ANK2: variants seen among roughly 807,000 people sequenced by gnomAD.
ANK2 encodes ankyrin-2.
Under a neutral mutation model 360.5 loss-of-function variants are expected in ANK2, and 83 were observed. The ratio of observed to expected loss-of-function variants is 0.23; its 90% CI spans 0.19 to 0.28. The LOEUF is 0.28. Ranked by LOEUF, ANK2 falls within the 10% of genes least tolerant of loss-of-function variation. The probability of loss-of-function intolerance (pLI) is 1.00; values close to 1 mark genes in which losing one functional copy is unlikely to be tolerated. For synonymous variants in ANK2, 1,740 were observed against 1,759.5 expected (o/e 0.99, Z 0.28); for missense variants, 4,201 against 4,795.7 (o/e 0.88, Z 3.66).
At chr4:113,110,475 C>A (rs947194078) in intron 1 of ANK2, among the ~76,000 whole-genome samples, 2 of 152,128 alleles carry the variant, frequency 1.3e-5, no homozygotes, top group African/African-American at 2.4e-5. Context: ...GCAAGCATAT[C>A]TTATGTCTGT....
chr4:113,022,844 G>A (rs1297836356), intron 2 of ANK2, among the ~76,000 whole-genome samples: 1 of 152,114 alleles, frequency 6.6e-6, no homozygotes, highest in Non-Finnish European at 1.5e-5. Context: ...CAAGAGGTTA[G>A]CATAATCAAT....
Position 113,174,446 on chromosome 4 carries a change from G to T in ANK2, c.115G>T (p.Ala39Ser), listed in dbSNP as rs1463855073. The T allele has an allele frequency of 1.2e-6, 2 of 1,613,056 alleles. No homozygotes were observed. The highest frequency in any genetic ancestry group is 3.3e-5 in the Admixed American group (2 of 59,994). ...CAGCAATGCAAGCTTCCTCCGTGCT[G>T]CCAGAGCAGGCAACCTGGACAAAGT... ...SDSNASFLRAARAGNLDKVVE... is the reference protein window; with the variant it reads ...SDSNASFLRASRAGNLDKVVE... The change falls in exon 2 of 46, where the codon GCC becomes TCC. Residue 39 changes from alanine (A) to serine (S), a missense_variant. By Grantham distance (99) the Ala-to-Ser change is moderately conservative. Around this residue, in one of 4 missense-constraint regions of ANK2, gnomAD observed 169 missense variants for 191.1 expected, o/e 0.88. Coordinates refer to ENST00000357077, the MANE Select transcript of ANK2 (RefSeq NM_001148.6).
chr4:113,355,032 G>A lies in ANK2; in HGVS notation c.6414G>A (p.Glu2138=). 6.2e-7 allele frequency: 1 copy of A among 1,613,980 alleles called. No homozygotes were observed. The highest frequency in any genetic ancestry group is 8.5e-7 in the Non-Finnish European group (1 of 1,179,926). The part of the protein sequence containing the change: ...PDRKTSTDFS[E]VIKQELEDND... ...GGAAAACCTCCACTGACTTCTCTGA[G>A]GTCATTAAGCAAGAGTTGGAAGACA... Residue 2138 remains glutamate (E), a synonymous_variant, in exon 38 of 46, where the codon GAG becomes GAA. Coordinates refer to ENST00000357077, the MANE Select transcript of ANK2 (RefSeq NM_001148.6).
intron 34 of ANK2, among the ~76,000 whole-genome samples, chr4:113,344,201 A>G (rs2094579800): frequency 6.6e-6 from 1 of 152,210 alleles, no homozygotes; most frequent in South Asian, 2.1e-4. Flanking sequence ...GTGCAGAATC[A>G]TTCTACAAAC....
intron 43 of ANK2, chr4:113,372,706 C>A: frequency 9.9e-7 from 1 of 1,011,354 alleles, no homozygotes; most frequent in Non-Finnish European, 1.5e-6. Flanking sequence ...TCAATGAAGG[C>A]TTGGCATGTT....
chr4:112,769,593 G>T, the ANK2 span, among the ~76,000 whole-genome samples: 2 of 152,140 alleles, frequency 1.3e-5, no homozygotes, highest in Admixed American at 1.3e-4. Context: ...TAATTCCGAA[G>T]AATTTAACCA....
chr4:112,819,119 A>G lies in ANK2; in HGVS notation c.-40+855A>G, dbSNP rs185472511. On this transcript the variant is annotated intron_variant, in intron 1 of 30. Transcript: ENST00000503271. The stretch of plus-strand genomic sequence containing the variant: ...TGGCCTTTTTGGAGAGCAAAGGAAT[A>G]AATTCAATAACATCTTTCTCTTCCT... 2.2e-4 allele frequency among the ~76,000 whole-genome samples: 34 copies of G among 152,334 alleles called. No individual in the cohort carries two copies. The East Asian group carries it at 5.6e-3, about 25-fold the overall frequency.
intron 4 of ANK2, among the ~76,000 whole-genome samples, chr4:113,212,063 A>G (rs1199425752): frequency 1.3e-5 from 2 of 152,236 alleles, no homozygotes; most frequent in South Asian, 2.1e-4. Flanking sequence ...TTACAGCTTA[A>G]TACATAATTT....
At chr4:113,094,952 C>T (rs2090348993) in intron 1 of ANK2, among the ~76,000 whole-genome samples, 1 of 152,172 alleles carries the variant, frequency 6.6e-6, no homozygotes, top group Admixed American at 6.5e-5. Flanking sequence ...CATGACTGGC[C>T]TCCAGTGGTG....
chr4:113,342,439 G>A (rs1037933410), intron 33 of ANK2, among the ~76,000 whole-genome samples: 5 of 152,086 alleles, frequency 3.3e-5, no homozygotes, highest in African/African-American at 4.8e-5. Context: ...GGTGGTTCAC[G>A]CCTGTATTCC....
chr4:113,192,083 C>CT (rs2098674312), intron 2 of ANK2, among the ~76,000 whole-genome samples: 1 of 152,134 alleles, frequency 6.6e-6, no homozygotes, highest in Non-Finnish European at 1.5e-5. Flanking sequence ...AAAAATTTTA[C>CT]TTTAAGTTCT....
rs150138651 is a variant in ANK2, at chr4:113,041,786, G to T, written c.22-132630G>T. The stretch of plus-strand genomic sequence containing the variant: ...GGACTGGAATGTTCAAGGTCAAAGT[G>T]CAGGCAGAGTCAGTGTCTGGTGAGG... On this transcript the variant is annotated intron_variant, in intron 2 of 30. Transcript: ENST00000503271. 1.1e-3 allele frequency among the ~76,000 whole-genome samples: 167 copies of T among 152,248 alleles called. 2 individuals carry two copies. The highest frequency in any genetic ancestry group is 0.01 in the Middle Eastern group (3 of 294).
chr4:113,335,957 T>C lies in ANK2; in HGVS notation c.3491T>C (p.Ile1164Thr). 9.9e-6 allele frequency: 16 copies of C among 1,614,168 alleles called. No homozygotes were observed. Among genetic ancestry groups the C allele is most frequent in the Non-Finnish European group, 1.4e-5 (16 of 1,180,026 alleles). Residue 1164 changes from isoleucine (I) to threonine (T), a missense_variant, in exon 30 of 46, where the codon ATT (isoleucine) becomes ACT (threonine). By Grantham distance (89) the Ile-to-Thr change is moderately conservative (BLOSUM62 -1). Coordinates refer to ENST00000357077, the MANE Select transcript of ANK2 (RefSeq NM_001148.6). Reference sequence around the variant, plus strand: ...CGTATCAAACAGGACAGCAATCTGATTGGCCCAGAAGGAGGTGTACTGAGC... The same window carrying C: ...CGTATCAAACAGGACAGCAATCTGACTGGCCCAGAAGGAGGTGTACTGAGC... ...VSRIKQDSNL[I>T]GPEGGVLSST...
At chr4:113,186,494 C>T (rs1393598037) in intron 2 of ANK2, among the ~76,000 whole-genome samples, 1 of 151,834 alleles carries the variant, frequency 6.6e-6, no homozygotes, top group African/African-American at 2.4e-5. Flanking sequence ...GTTTTTTCTT[C>T]CCTCTGTAGA....
At chr4:112,990,845 C>T (rs2046491022) in intron 2 of ANK2, among the ~76,000 whole-genome samples, 2 of 152,174 alleles carry the variant, frequency 1.3e-5, no homozygotes, top group South Asian at 4.1e-4. Context: ...CTATCAAACT[C>T]TAAGTGTTAC....
intron 1 of ANK2, among the ~76,000 whole-genome samples, chr4:112,840,521 G>C (rs2061865632): frequency 6.6e-6 from 1 of 152,138 alleles, no homozygotes; most frequent in Non-Finnish European, 1.5e-5. Context: ...CTGGATGCGG[G>C]GATAAGGGCC....
chr4:112,805,871 G>A, the ANK2 span, among the ~76,000 whole-genome samples: 4 of 152,214 alleles, frequency 2.6e-5, no homozygotes, highest in East Asian at 3.9e-4. Flanking sequence ...CACTGCGCCC[G>A]GCCACATGCA....
In ANK2 at chr4:113,264,897, C is replaced by T. The variant is rs1427251703; in HGVS notation, c.1387C>T (p.Arg463Cys). 2 of 1,559,902 alleles carry T rather than the reference C, an allele frequency of 1.3e-6. No homozygotes were observed. Among genetic ancestry groups the T allele is most frequent in the Non-Finnish European group, 1.7e-6 (2 of 1,151,092 alleles). ...TTTGACGATCTTTGTTCCCTGGCAGCGTGGTGAGACGGCACTACACATGGC... is the reference window on the plus strand; with the variant it reads ...TTTGACGATCTTTGTTCCCTGGCAGTGTGGTGAGACGGCACTACACATGGC... ...NGASPDVTNI[R>C]GETALHMAAR... The change falls in exon 14 of 46, where the codon CGT becomes TGT. Residue 463 changes from arginine (R) to cysteine (C), a missense_variant and splice_region_variant. Transcript: ENST00000357077.
intron 1 of ANK2, among the ~76,000 whole-genome samples, chr4:113,072,594 G>T (rs1031667726): frequency 2.0e-5 from 3 of 152,210 alleles, no homozygotes; most frequent in African/African-American, 7.2e-5. Context: ...GGGACAGGGT[G>T]TGAGAGCACC....
Sources: gnomAD v4.1 joint callset for allele counts (sites outside exome capture counted in the v4.1 genomes callset) on GRCh38, gnomAD v4.1.1 for gene constraint, gnomAD v4.1.1 regional missense constraint, MANE v1.5 for transcripts, NCBI Gene and HGNC (gene_info 2026-07-23, HGNC 2026-07-21) for gene names.